Variants in ITPK1 observed in about 807,000 individuals in gnomAD.
ITPK1 encodes inositol 1,3,4-trisphosphate 5/6-kinase.
Under a neutral mutation model 45.3 loss-of-function variants are expected in ITPK1, and 21 were observed. That is an observed-to-expected ratio of 0.46 (90% confidence interval 0.33 to 0.67). The LOEUF (loss-of-function observed/expected upper bound fraction) is 0.67. Ranked by LOEUF, ITPK1 falls within the 30% of genes least tolerant of loss-of-function variation. The probability of loss-of-function intolerance (pLI) is 0.02; values close to 1 mark genes in which losing one functional copy is unlikely to be tolerated. For missense variants in ITPK1, 474 were observed against 573.5 expected (o/e 0.83, Z 1.77); for synonymous variants, 258 against 253.6 (o/e 1.02, Z -0.16).
Position 93,009,014 on chromosome 14 carries a change from G to A in ITPK1, c.246+7662C>T, listed in dbSNP as rs1332330531. Among the ~76,000 whole-genome samples, 4 of 152,048 alleles carry A rather than the reference G, an allele frequency of 2.6e-5. No individual in the cohort carries two copies. The East Asian group carries it at 5.8e-4, about 22-fold the overall frequency. The stretch of plus-strand genomic sequence containing the variant: ...TCTCTTACAAAATGCAGTGACGCTC[G>A]ACCAGGGGTGGCATGGGCTCCCTCC... On this transcript the variant is annotated intron_variant, in intron 4 of 10. Transcript: ENST00000267615.
chr14:93,027,954 G>C (rs1193712056), intron 3 of ITPK1, among the ~76,000 whole-genome samples: 2 of 152,110 alleles, frequency 1.3e-5, no homozygotes, highest in East Asian at 3.9e-4. Flanking sequence ...GAGAGCAGTG[G>C]GAAAAAAAGG....
intron 8 of ITPK1, 106 bp from the exon 9 acceptor site, chr14:92,952,119 G>GC: frequency 1.1e-6 from 1 of 906,214 alleles, no homozygotes; most frequent in South Asian, 1.4e-5. Flanking sequence ...ACAACACGTG[G>GC]CCCCCGGCTC....
chr14:92,984,412 A>G (rs747872336), intron 5 of ITPK1, among the ~76,000 whole-genome samples: 1 of 152,348 alleles, frequency 6.6e-6, no homozygotes, highest in African/African-American at 2.4e-5. Context: ...CACTGATTCT[A>G]TGGCATGTTT....
At chr14:92,977,127 T>C (rs2139774434) in intron 5 of ITPK1, among the ~76,000 whole-genome samples, 1 of 152,252 alleles carries the variant, frequency 6.6e-6, no homozygotes, top group East Asian at 1.9e-4. Context: ...ATCAAACAGG[T>C]TAACACACAA....
intron 2 of ITPK1, among the ~76,000 whole-genome samples, chr14:93,093,029 C>A (rs1417011264): frequency 1.3e-5 from 2 of 152,218 alleles, no homozygotes; most frequent in African/African-American, 4.8e-5. Flanking sequence ...TTGGTCTTCA[C>A]AATGACGCCC....
At chr14:92,964,316 C>T (rs766446889) in intron 5 of ITPK1, among the ~76,000 whole-genome samples, 2 of 152,088 alleles carry the variant, frequency 1.3e-5, no homozygotes, top group African/African-American at 4.8e-5. Flanking sequence ...GAAACAGGCC[C>T]CAAGGTCATA....
chr14:93,056,483 G>A (rs762331736), intron 3 of ITPK1, among the ~76,000 whole-genome samples: 72 of 152,202 alleles, frequency 4.7e-4, no homozygotes, highest in Non-Finnish European at 8.5e-4. Flanking sequence ...AGACCACACT[G>A]GGAGCAGCAA....
chr14:93,012,422 C>A lies in ITPK1; in HGVS notation c.246+4254G>T, dbSNP rs550122839. On this transcript the variant is annotated intron_variant, in intron 4 of 10. Transcript: ENST00000267615. This position sits in a 1 kb window ranked among gnomAD's most constrained non-coding sequence, Gnocchi z 4.9. ...GCGCTGAGGTGGACACACATCAGAG[C>A]CTGGGCAGCTGCTGAGGGGGCCAGG... 1.4e-4 allele frequency among the ~76,000 whole-genome samples: 22 copies of A among 152,278 alleles called. No individual in the cohort carries two copies. Among genetic ancestry groups the A allele is most frequent in the Non-Finnish European group, 2.9e-4 (20 of 68,012 alleles).
chr14:93,084,450 T>G (rs1595200332), intron 2 of ITPK1, among the ~76,000 whole-genome samples: 1 of 152,128 alleles, frequency 6.6e-6, no homozygotes, highest in Non-Finnish European at 1.5e-5. Context: ...AGGTCCACAG[T>G]GCTGAACTTA....
rs1889126743 is a variant in ITPK1, at chr14:93,032,620, T to C, written c.121-15819A>G. Among the ~76,000 whole-genome samples the C allele has an allele frequency of 6.6e-6, 1 of 152,118 alleles. No homozygotes were observed. ...GGTCACAGAAATTTACTGACCCACA[T>C]CTGACCTGCCCCACCCTCAATGGGA... On this transcript the variant is annotated intron_variant, in intron 3 of 10. Transcript: ENST00000267615. This position sits in a 1 kb window ranked among gnomAD's most constrained non-coding sequence, Gnocchi z 4.0.
At chr14:93,038,854 T>C (rs1889433673) in intron 3 of ITPK1, among the ~76,000 whole-genome samples, 1 of 152,214 alleles carries the variant, frequency 6.6e-6, no homozygotes, top group Admixed American at 6.5e-5. Flanking sequence ...CGGAAAACCA[T>C]TCTTCTGAAG....
Position 92,951,927 on chromosome 14 carries a change from T to A in ITPK1, c.738+19A>T. ...GGGAGGGCAGTTTCAGGCCAGGCCATCCCAGCAGAGGGACCCACCTCCGTC... is the reference window on the plus strand; with the variant it reads ...GGGAGGGCAGTTTCAGGCCAGGCCAACCCAGCAGAGGGACCCACCTCCGTC... On this transcript the variant is annotated intron_variant, in intron 9 of 10. Transcript: ENST00000267615. The A allele has an allele frequency of 6.4e-7, 1 of 1,564,492 alleles. No homozygotes were observed. The highest frequency in any genetic ancestry group is 8.7e-7 in the Non-Finnish European group (1 of 1,153,230).
intron 3 of ITPK1, among the ~76,000 whole-genome samples, chr14:93,053,979 G>A (rs1377505660): frequency 1.3e-5 from 2 of 152,194 alleles, no homozygotes; most frequent in Non-Finnish European, 2.9e-5. Context: ...TCAGACTGAA[G>A]TAGGGAGAGA....
At chr14:93,035,362 C>A (rs193045478) in intron 3 of ITPK1, among the ~76,000 whole-genome samples, 1 of 152,268 alleles carries the variant, frequency 6.6e-6, no homozygotes, top group African/African-American at 2.4e-5. Context: ...CAGGTATTCA[C>A]GCTGGGCAGT....
At chr14:92,972,615 G>A (rs1428918795) in intron 5 of ITPK1, among the ~76,000 whole-genome samples, 1 of 152,172 alleles carries the variant, frequency 6.6e-6, no homozygotes, top group Non-Finnish European at 1.5e-5. Flanking sequence ...CTGAGACAGA[G>A]TCTCACTCTG....
intron 3 of ITPK1, among the ~76,000 whole-genome samples, chr14:93,056,135 G>C (rs953187931): frequency 6.6e-6 from 1 of 152,236 alleles, no homozygotes; most frequent in Admixed American, 6.5e-5. Flanking sequence ...AGAAGGCTGG[G>C]GTGACTGTGT....
chr14:93,056,184 G>C (rs1233880524), intron 3 of ITPK1, among the ~76,000 whole-genome samples: 10 of 152,196 alleles, frequency 6.6e-5, no homozygotes, highest in Non-Finnish European at 1.5e-4. Flanking sequence ...AGAGTGGCCT[G>C]GGTGCAGCAG....
rs567065423 is a variant in ITPK1, at chr14:93,068,594, A to C, written c.120+8001T>G. The C allele has an allele frequency of 2.6e-5, 4 of 152,240 alleles. No homozygotes were observed. In the South Asian group the frequency reaches 8.3e-4, roughly 32 times the overall value. 9.4% of individuals were successfully genotyped at this position (152,240 alleles called of 1,614,324 possible). On this transcript the variant is annotated intron_variant, in intron 3 of 10. Coordinates refer to ENST00000267615, the MANE Select transcript of ITPK1 (RefSeq NM_014216.6). The stretch of plus-strand genomic sequence containing the variant: ...GAAGGAAGGATGTTCACAGGTGTCC[A>C]CCCCTACCTATGCCCCAGTGACCTG...
In ITPK1 at chr14:93,063,612, C is replaced by CA. The variant is rs1890623116; in HGVS notation, c.120+12982dup. On this transcript the variant is annotated intron_variant, in intron 3 of 10. Transcript: ENST00000267615. The surrounding 1 kb of genome is among the most constrained non-coding windows in gnomAD (Gnocchi z 4.3). ...GAGGTTGTGCCACTACCCAGGACTG[C>CA]ACAGCCTTGGAGGGATGGAGCTGGA... is the stretch of plus-strand genomic sequence containing the variant. Among the ~76,000 whole-genome samples, 1 of 152,230 alleles carries CA rather than the reference C, an allele frequency of 6.6e-6. No individual in the cohort carries two copies. Among genetic ancestry groups the CA allele is most frequent in the African/African-American group, 2.4e-5 (1 of 41,470 alleles).
Sources: gnomAD v4.1 joint callset for allele counts (sites outside exome capture counted in the v4.1 genomes callset) on GRCh38, gnomAD v4.1.1 for gene constraint, Gnocchi (gnomAD v3.1) non-coding constraint, MANE v1.5 for transcripts, NCBI Gene and HGNC (gene_info 2026-07-23, HGNC 2026-07-21) for gene names.